Variants in SNX29 observed in about 807,000 individuals in gnomAD.
SNX29 encodes sorting nexin-29.
Under a neutral mutation model 102.1 loss-of-function variants are expected in SNX29, and 78 were observed. The ratio of observed to expected loss-of-function variants is 0.76; its 90% CI spans 0.64 to 0.92. The LOEUF is 0.92. Ranked by LOEUF, SNX29 falls within the 40% of genes least tolerant of loss-of-function variation. SNX29 has a pLI of 0.00. For synonymous variants in SNX29, 580 were observed against 414.5 expected, an observed-to-expected ratio of 1.40 and a Z score of -4.85; for missense variants, 1,280 against 1,061.7, an observed-to-expected ratio of 1.21 and a Z score of -2.86.
intron 18 of SNX29, among the ~76,000 whole-genome samples, chr16:12,425,193 G>T (rs1337274301): frequency 2.0e-5 from 3 of 152,248 alleles, no homozygotes; most frequent in South Asian, 2.1e-4. Flanking sequence ...CAGCTCGGCT[G>T]ATGTGGGTCA....
chr16:12,535,353 C>G (rs979802377), intron 20 of SNX29, among the ~76,000 whole-genome samples: 3 of 152,172 alleles, frequency 2.0e-5, no homozygotes, highest in Non-Finnish European at 4.4e-5. Context: ...CCAGGCTGGT[C>G]TCGAACTCCT....
intron 14 of SNX29, among the ~76,000 whole-genome samples, chr16:12,244,441 T>G (rs1443943982): frequency 6.6e-6 from 1 of 152,102 alleles, no homozygotes. Flanking sequence ...AAACACTGTC[T>G]CTACCAAAAA....
chr16:12,392,254 C>T (rs1246607109), intron 16 of SNX29, among the ~76,000 whole-genome samples: 3 of 152,170 alleles, frequency 2.0e-5, no homozygotes, highest in African/African-American at 7.2e-5. Flanking sequence ...TTTATATAAC[C>T]ATTTCATTCC....
chr16:12,556,860 T>G (rs2078386718), intron 20 of SNX29, among the ~76,000 whole-genome samples: 1 of 150,358 alleles, frequency 6.7e-6, no homozygotes, highest in Admixed American at 6.6e-5. Context: ...AAAATTGAAT[T>G]TTTTTTTTTT....
intron 10 of SNX29, among the ~76,000 whole-genome samples, chr16:12,073,747 T>C (rs1338565754): frequency 9.2e-5 from 14 of 152,218 alleles, no homozygotes; most frequent in Admixed American, 8.5e-4. Context: ...CTCGTTGATC[T>C]GTCTAATGTT....
intron 11 of SNX29, among the ~76,000 whole-genome samples, chr16:12,080,674 C>G (rs2051823692): frequency 6.6e-6 from 1 of 151,492 alleles, no homozygotes; most frequent in African/African-American, 2.4e-5. Context: ...GCCACCGTGC[C>G]CGGCCTACTA....
At chr16:12,224,153 C>A (rs763394758) in intron 14 of SNX29, among the ~76,000 whole-genome samples, 1 of 152,176 alleles carries the variant, frequency 6.6e-6, no homozygotes, top group Non-Finnish European at 1.5e-5. Flanking sequence ...AAATACTACT[C>A]TACTTGAGTA....
chr16:12,246,725 C>T (rs2078270631), intron 14 of SNX29, among the ~76,000 whole-genome samples: 1 of 152,208 alleles, frequency 6.6e-6, no homozygotes, highest in African/African-American at 2.4e-5. Flanking sequence ...GTGACCAGCA[C>T]AGAAGGGCCA....
intron 20 of SNX29, among the ~76,000 whole-genome samples, chr16:12,536,548 A>G (rs1772645353): frequency 6.6e-6 from 1 of 152,170 alleles, no homozygotes; most frequent in Non-Finnish European, 1.5e-5. Context: ...GGGACTAATT[A>G]TAGCCCCTAC....
At chr16:12,476,389 T>TATATATATATATATAC (rs2087618183) in intron 18 of SNX29, among the ~76,000 whole-genome samples, 6 of 13,958 alleles carry the variant, frequency 4.3e-4, no homozygotes, top group Non-Finnish European at 6.6e-4. Context: ...AAAAAATATA[T>TATATATATATATATAC]ATATATATAT....
At chr16:12,232,304 A>G (rs1403218455) in intron 14 of SNX29, among the ~76,000 whole-genome samples, 1 of 152,196 alleles carries the variant, frequency 6.6e-6, no homozygotes, top group Non-Finnish European at 1.5e-5. Context: ...AGGTGGGCAA[A>G]TCACTTGAGT....
chr16:12,181,832 G>T (rs1221399401), intron 13 of SNX29, among the ~76,000 whole-genome samples: 1 of 151,934 alleles, frequency 6.6e-6, no homozygotes, highest in Non-Finnish European at 1.5e-5. Flanking sequence ...GGGGTTTATG[G>T]GGGTACCTTG....
In SNX29 at chr16:12,573,997, GCA is replaced by G. The variant is rs982248049; in HGVS notation, c.*5370_*5371del. ...GGGGCGCCCATGATCGGCTCCCAGTGCACCCCCTTAAGGGTAAGCAGGCCACA... is the reference window on the plus strand; with the variant it reads ...GGGGCGCCCATGATCGGCTCCCAGTGCCCCCTTAAGGGTAAGCAGGCCACA... On this transcript the variant is annotated 3_prime_UTR_variant, in exon 21 of 21. Coordinates refer to ENST00000566228, the MANE Select transcript of SNX29 (RefSeq NM_032167.5). 7.6e-5 allele frequency: 15 copies of G among 198,044 alleles called. No homozygotes were observed. Among genetic ancestry groups the G allele is most frequent in the Non-Finnish European group, 5.2e-5 (5 of 95,702 alleles). The allele number at this position is 198,044 out of a possible 1,614,324, so 12.3% of individuals were successfully genotyped here.
intron 20 of SNX29, among the ~76,000 whole-genome samples, chr16:12,546,839 T>G (rs561105893): frequency 3.9e-5 from 6 of 152,286 alleles, no homozygotes; most frequent in Admixed American, 3.9e-4. Flanking sequence ...ATAAAGGGAT[T>G]AAGATTATAC....
At chr16:12,346,111 G>C (rs1018113198) in intron 15 of SNX29, among the ~76,000 whole-genome samples, 44 of 150,986 alleles carry the variant, frequency 2.9e-4, no homozygotes, top group African/African-American at 1.1e-3. Context: ...GTGTGATCCT[G>C]GGTTTTAGAA....
intron 3 of SNX29, among the ~76,000 whole-genome samples, chr16:12,009,979 C>T (rs1386272531): frequency 6.6e-6 from 1 of 152,206 alleles, no homozygotes; most frequent in Non-Finnish European, 1.5e-5. Flanking sequence ...GCAGTGGAAT[C>T]AGCATGGGCT....
chr16:12,556,985 C>G (rs1315874459), intron 20 of SNX29, among the ~76,000 whole-genome samples: 1 of 145,688 alleles, frequency 6.9e-6, no homozygotes, highest in East Asian at 2.1e-4. Flanking sequence ...AGTAGCTGGA[C>G]AACAGGTACA....
chr16:12,517,543 A>C (rs920168706), intron 19 of SNX29, among the ~76,000 whole-genome samples: 1 of 152,102 alleles, frequency 6.6e-6, no homozygotes, highest in Non-Finnish European at 1.5e-5. Context: ...CATTCTTCCT[A>C]TGGTCTGCCT....
chr16:12,112,236 G>C (rs140166317), intron 11 of SNX29, among the ~76,000 whole-genome samples: 2 of 152,266 alleles, frequency 1.3e-5, no homozygotes, highest in African/African-American at 4.8e-5. Context: ...GCCCAGTCAC[G>C]AGCCACAGGT....
Sources: allele counts gnomAD v4.1 joint callset (sites outside exome capture counted in the v4.1 genomes callset), GRCh38; gene constraint gnomAD v4.1.1; transcripts MANE v1.5; gene names NCBI Gene and HGNC (gene_info 2026-07-23, HGNC 2026-07-21).